LDB2: variants seen among roughly 807,000 people sequenced by gnomAD.
The protein encoded by LDB2 is LIM domain binding 2.
A neutral mutation model predicts 44.3 loss-of-function variants in LDB2; 12 were observed. The ratio of observed to expected loss-of-function variants is 0.27; its 90% CI spans 0.17 to 0.44. The LOEUF (loss-of-function observed/expected upper bound fraction) is 0.44. Among genes scored for constraint, LDB2 ranks in the 20% least tolerant of loss-of-function variants. The pLI is 1.00. For synonymous variants in LDB2, 164 were observed against 174.8 expected (o/e 0.94, Z 0.49); for missense variants, 344 against 473.5 (o/e 0.73, Z 2.54).
intron 1 of LDB2, among the ~76,000 whole-genome samples, chr4:16,777,239 G>A (rs1772128106): frequency 6.6e-6 from 1 of 152,130 alleles, no homozygotes; most frequent in African/African-American, 2.4e-5. Flanking sequence ...TGGGATGAAT[G>A]ACGTGAGGGT....
At chr4:16,889,091 A>AT (rs1722576071) in intron 1 of LDB2, 1 of 137,192 alleles carries the variant, frequency 7.3e-6, no homozygotes, top group African/African-American at 3.5e-5. Flanking sequence ...TCACACACAT[A>AT]AACACACACA....
intron 5 of LDB2, among the ~76,000 whole-genome samples, chr4:16,579,106 T>A (rs1165276941): frequency 2.6e-5 from 4 of 152,118 alleles, no homozygotes; most frequent in African/African-American, 7.2e-5. Context: ...GAAAGAATTT[T>A]AAAAATCTAG....
chr4:16,830,300 A>C (rs1004996085), intron 1 of LDB2, among the ~76,000 whole-genome samples: 1 of 152,110 alleles, frequency 6.6e-6, no homozygotes, highest in Non-Finnish European at 1.5e-5. Context: ...GTGAGTTCTC[A>C]GGAAATCGGA....
chr4:16,836,705 G>T (rs1362551080), intron 1 of LDB2, among the ~76,000 whole-genome samples: 1 of 151,748 alleles, frequency 6.6e-6, no homozygotes, highest in African/African-American at 2.4e-5. Flanking sequence ...TATTGATTTC[G>T]TCTAGTTACC....
intron 2 of LDB2, among the ~76,000 whole-genome samples, chr4:16,635,439 C>G (rs1012900164): frequency 1.3e-5 from 2 of 150,196 alleles, no homozygotes; most frequent in African/African-American, 4.9e-5. Context: ...GGAGCCAAGA[C>G]AAGGATACCT....
intron 1 of LDB2, among the ~76,000 whole-genome samples, chr4:16,896,627 A>G (rs1725101438): frequency 6.6e-6 from 1 of 152,166 alleles, no homozygotes; most frequent in Admixed American, 6.5e-5. Context: ...GTTGCTGTTC[A>G]AGAATTGAGC....
chr4:16,874,397 C>T (rs76100227), intron 1 of LDB2, among the ~76,000 whole-genome samples: 4,803 of 152,200 alleles, frequency 0.032, 228 homozygotes, highest in African/African-American at 0.1. Flanking sequence ...TGTCTCAATG[C>T]ATGTTTTACA....
intron 1 of LDB2, among the ~76,000 whole-genome samples, chr4:16,775,203 A>G (rs1281657920): frequency 6.6e-6 from 1 of 152,248 alleles, no homozygotes; most frequent in African/African-American, 2.4e-5. Context: ...ATTAAGCTAT[A>G]TAATACATGG....
chr4:16,777,417 T>C (rs1228340017), intron 1 of LDB2, among the ~76,000 whole-genome samples: 1 of 152,000 alleles, frequency 6.6e-6, no homozygotes, highest in Non-Finnish European at 1.5e-5. Context: ...AGAACTGTGA[T>C]GCCTTTAAGG....
At chr4:16,640,919 A>G (rs1734950629) in intron 2 of LDB2, among the ~76,000 whole-genome samples, 2 of 152,210 alleles carry the variant, frequency 1.3e-5, no homozygotes, top group African/African-American at 4.8e-5. Flanking sequence ...ATTTCAAGAC[A>G]ATTTTGTTTT....
chr4:16,888,886 C>T (rs1461346632), intron 1 of LDB2: 1 of 195,490 alleles, frequency 5.1e-6, no homozygotes, highest in African/African-American at 2.4e-5. Context: ...AGAAGACAAA[C>T]TCAGAGTTTG....
intron 2 of LDB2, among the ~76,000 whole-genome samples, chr4:16,655,598 T>G (rs2152531799): frequency 6.6e-6 from 1 of 152,268 alleles, no homozygotes; most frequent in South Asian, 2.1e-4. Flanking sequence ...ATCAATGACA[T>G]TTATTGGCAT....
chr4:16,836,973 C>A (rs879926612), intron 1 of LDB2, among the ~76,000 whole-genome samples: 4 of 152,174 alleles, frequency 2.6e-5, no homozygotes, highest in Admixed American at 1.3e-4. Flanking sequence ...CACTGAACTG[C>A]TACATAACCA....
At chr4:16,527,933 T>C (rs1379422113) in intron 5 of LDB2, among the ~76,000 whole-genome samples, 1 of 151,976 alleles carries the variant, frequency 6.6e-6, no homozygotes, top group Non-Finnish European at 1.5e-5. Flanking sequence ...ATTTTTGTCA[T>C]GTATACCTTA....
chr4:16,695,278 T>G (rs1350529506), intron 2 of LDB2, among the ~76,000 whole-genome samples: 1 of 152,156 alleles, frequency 6.6e-6, no homozygotes, highest in Non-Finnish European at 1.5e-5. Context: ...GGCTCAGGCC[T>G]GTAATCCCAG....
At chr4:16,563,490 C>T (rs1485538369) in intron 5 of LDB2, among the ~76,000 whole-genome samples, 2 of 125,302 alleles carry the variant, frequency 1.6e-5, no homozygotes, top group South Asian at 2.8e-4. Flanking sequence ...GCTCTGTCAC[C>T]CAGGCTGGAG....
rs72619113 is a variant in LDB2, at chr4:16,538,018, A to G, written c.616-25914T>C. 0.011 allele frequency among the ~76,000 whole-genome samples: 1,705 copies of G among 152,324 alleles called. 177 individuals carry two copies. In the East Asian group the frequency reaches 0.25, roughly 22 times the overall value. ...CCTTTTGGCATCAGAGCTTAAGCCA[A>G]GGTACTTGGGCATGGCTGATCTGGC... On this transcript the variant is annotated intron_variant, in intron 5 of 7. Transcript: ENST00000304523.
At chr4:16,506,868 G>A (rs929798068) in intron 7 of LDB2, 37 of 152,172 alleles carry the variant, frequency 2.4e-4, no homozygotes, top group African/African-American at 8.7e-4. Flanking sequence ...CCTTTAAGTA[G>A]CTATATCACC....
chr4:16,674,904 A>G (rs1745870888), intron 2 of LDB2, among the ~76,000 whole-genome samples: 1 of 151,862 alleles, frequency 6.6e-6, no homozygotes, highest in Admixed American at 6.6e-5. Context: ...ATTCAAAACT[A>G]TTATACCAAA....
Sources: allele counts gnomAD v4.1 joint callset (sites outside exome capture counted in the v4.1 genomes callset), GRCh38; gene constraint gnomAD v4.1.1; transcripts MANE v1.5; gene names NCBI Gene and HGNC (gene_info 2026-07-23, HGNC 2026-07-21).